HGFAC: variants seen among roughly 807,000 people sequenced by gnomAD.
HGFAC encodes the protein HGF activator, also known as hepatocyte growth factor activator serine protease.
In HGFAC, 76 loss-of-function variants were observed where a neutral mutation model predicts 70.6. The observed-to-expected ratio is 1.08, with a 90% CI of 0.89 to 1.30. HGFAC has a LOEUF of 1.30. HGFAC is among the 50% of genes most tolerant of loss of function. The pLI is 0.00. For synonymous variants in HGFAC, 464 were observed against 405.3 expected (o/e 1.14, Z -1.74); for missense variants, 1,044 against 933.7 (o/e 1.12, Z -1.54).
At chr4:3,447,785 C>T in intron 11 of HGFAC, 110 bp from the exon 12 acceptor site, 1 of 1,533,538 alleles carries the variant, frequency 6.5e-7, no homozygotes, top group Non-Finnish European at 8.9e-7. Flanking sequence ...TTCTGGATCT[C>T]CCAGGCTGCC....
At position 3,444,056 on chromosome 4, in the gene HGFAC, G is replaced by C. The variant is rs748919298; in HGVS notation, c.493G>C (p.Ala165Pro). The C allele has an allele frequency of 1.6e-5, 26 of 1,597,476 alleles. No homozygotes were observed. The Middle Eastern group carries it at 5.2e-4, about 32-fold the overall frequency. ...GTCCCCAGCTGCCCTGGATCCCTGT[G>C]CCTCCGGCCCCTGCCTCAATGGAGG... ...PGGPAALDPC[A>P]SGPCLNGGSC... is the part of the protein sequence containing the mutation. Residue 165 changes from alanine (A) to proline (P), a missense_variant, in exon 5 of 14, where the codon GCC (alanine) becomes CCC (proline). Coordinates refer to ENST00000382774, the MANE Select transcript of HGFAC (RefSeq NM_001528.4).
Position 3,444,820 on chromosome 4 carries a change from G to T in HGFAC, c.843G>T (p.Glu281Asp). ...PGFAGRLCNI[E>D]PDERCFLGNG... ...GCCTCACTGCCCCTCTGCCCGCAGA[G>T]CCTGATGAGCGCTGCTTCTTGGGGA... The change falls in exon 8 of 14, where the codon GAG becomes GAT. Residue 281 changes from glutamate to aspartate, a missense_variant and splice_region_variant. Coordinates refer to ENST00000382774, the MANE Select transcript of HGFAC (RefSeq NM_001528.4). The T allele has an allele frequency of 6.3e-7, 1 of 1,592,080 alleles. No individual in the cohort carries two copies. The highest frequency in any genetic ancestry group is 8.6e-7 in the Non-Finnish European group (1 of 1,168,210).
chr4:3,443,431 GGTTGGGTA>G lies in HGFAC; in HGVS notation c.475+13_475+20del, dbSNP rs1449506979. The G allele has an allele frequency of 2.1e-6, 3 of 1,443,462 alleles. No individual in the cohort carries two copies. Among genetic ancestry groups the G allele is most frequent in the Non-Finnish European group, 2.7e-6 (3 of 1,093,186 alleles). The allele number at this position is 1,443,462 out of a possible 1,614,324, so 89.4% of individuals were successfully genotyped here. ...CTCCAGGGGGCCCAGGTGGGTGCTG[GGTTGGGTA>G]GCCTGGGGCGGGCAGGGGGCACTGG... On this transcript the variant is annotated intron_variant, in intron 4 of 13. Coordinates refer to ENST00000382774, the MANE Select transcript of HGFAC (RefSeq NM_001528.4).
intron 10 of HGFAC, among the ~76,000 whole-genome samples, chr4:3,446,993 G>GT (rs1287989981): frequency 6.6e-6 from 1 of 152,316 alleles, no homozygotes; most frequent in Non-Finnish European, 1.5e-5. Context: ...GAGAAATGGG[G>GT]TTCCCCACAT....
chr4:3,443,349 C>T lies in HGFAC; in HGVS notation c.404C>T (p.Thr135Ile), dbSNP rs926429571. The change falls in exon 4 of 14, where the codon ACA (threonine) becomes ATA (isoleucine). Residue 135 changes from threonine to isoleucine, a missense_variant. Thr to Ile is a moderately conservative substitution (Grantham distance 89, BLOSUM62 -1). Transcript: ENST00000382774. ...EGSAHRKWCA[T>I]THNYDRDRAW... ...CAGGTGTCGCCCCCCAGGTGTGCCA[C>T]AACTCACAACTACGACCGGGACAGG... 52 of 1,541,776 alleles carry T rather than the reference C, an allele frequency of 3.4e-5. No homozygotes were observed. The highest frequency in any genetic ancestry group is 4.5e-5 in the Non-Finnish European group (51 of 1,142,800).
intron 6 of HGFAC, 37 bp from the exon 7 acceptor site, chr4:3,444,586 C>A: frequency 6.5e-7 from 1 of 1,545,912 alleles, no homozygotes; most frequent in South Asian, 1.2e-5. Flanking sequence ...TGGGGCACTG[C>A]GCGGCCCCTG....
chr4:3,446,521 G>T (rs1413117448), intron 10 of HGFAC, among the ~76,000 whole-genome samples: 1 of 152,272 alleles, frequency 6.6e-6, no homozygotes, highest in South Asian at 2.1e-4. Flanking sequence ...GGAGGCCAGG[G>T]GTCAGTGGCA....
chr4:3,445,630 G>C (rs79723959), intron 9 of HGFAC: 199 of 601,196 alleles, frequency 3.3e-4, no homozygotes, highest in African/African-American at 3.2e-3. Context: ...AAGCCTTTCA[G>C]GGAGGTGCAG....
chr4:3,442,104 C>G lies in HGFAC; in HGVS notation c.103C>G (p.Pro35Ala). 1 of 1,560,820 alleles carries G rather than the reference C, an allele frequency of 6.4e-7. No individual in the cohort carries two copies. The highest frequency in any genetic ancestry group is 8.6e-7 in the Non-Finnish European group (1 of 1,164,714). The change falls in exon 1 of 14, where the codon CCC becomes GCC. Residue 35 changes from proline (P) to alanine (A), a missense_variant. Transcript: ENST00000382774. ...LLLLLPRGFQ[P>A]QPGGNRTESP... ...GCTGCTGCTGCCACGGGGGTTCCAG[C>G]CCCAGCCTGGCGGGGTGAGCACTGA...
chr4:3,444,201 GGA>G, intron 5 of HGFAC, 40 bp downstream of exon 5: 2 of 1,570,088 alleles, frequency 1.3e-6, no homozygotes, highest in Non-Finnish European at 1.7e-6. Flanking sequence ...TCCAGGGGCC[GGA>G]GCAAGTCCCC....
At chr4:3,443,284 G>C in intron 3 of HGFAC, 57 bp from the exon 4 acceptor site, 2 of 1,431,918 alleles carry the variant, frequency 1.4e-6, no homozygotes. Flanking sequence ...CAGGGTGGTG[G>C]GGTGGGGTGG....
In HGFAC at chr4:3,444,969, G is replaced by A. The variant is rs746976598; in HGVS notation, c.992G>A (p.Gly331Asp). Residue 331 changes from glycine to aspartate, a missense_variant, in exon 8 of 14, where the codon GGC (glycine) becomes GAC (aspartate). Coordinates refer to ENST00000382774, the MANE Select transcript of HGFAC (RefSeq NM_001528.4). ...VDSVGAAALL[G>D]LGPHAYCRNP... ...TCCGTGGGCGCCGCGGCCCTGCTGG[G>A]CCTGGGCCCCCATGCCTACTGCCGG... The A allele has an allele frequency of 6.3e-7, 1 of 1,599,906 alleles. No homozygotes were observed. The highest frequency in any genetic ancestry group is 1.1e-5 in the South Asian group (1 of 89,266).
Position 3,444,728 on chromosome 4 carries a change from AC to A in HGFAC, c.837del (p.Asn279LysfsTer74), listed in dbSNP as rs758156656. 1.3e-6 allele frequency: 2 copies of A among 1,591,850 alleles called. No individual in the cohort carries two copies. The highest frequency in any genetic ancestry group is 1.7e-5 in the Admixed American group (1 of 58,960). On this transcript the variant is annotated frameshift_variant, in exon 7 of 14. Transcript: ENST00000382774. LOFTEE classifies it high-confidence loss of function. Reference sequence around the variant, plus strand: ...CCAGGCTTCGCTGGACGGCTCTGCAACATCGGTGAGTGGGTCAGCCCCCCGG... The same window carrying A: ...CCAGGCTTCGCTGGACGGCTCTGCAAATCGGTGAGTGGGTCAGCCCCCCGG... ...CPPGFAGRLC[N>X]IEPDERCFLG...
At position 3,446,165 on chromosome 4, in the gene HGFAC, T is replaced by C. The variant is rs1725503271; in HGVS notation, c.1226T>C (p.Ile409Thr). 6.2e-7 allele frequency: 1 copy of C among 1,611,200 alleles called. No individual in the cohort carries two copies. The highest frequency in any genetic ancestry group is 8.5e-7 in the Non-Finnish European group (1 of 1,179,314). ...AGGACGTTCCTGCGGCCACGTATCATCGGCGGCTCCTCCTCGCTGCCCGGC... is the reference window on the plus strand; with the variant it reads ...AGGACGTTCCTGCGGCCACGTATCACCGGCGGCTCCTCCTCGCTGCCCGGC... ...KKRTFLRPRI[I>T]GGSSSLPGSH... Residue 409 changes from isoleucine (I) to threonine (T), a missense_variant, in exon 10 of 14, where the codon ATC becomes ACC. Ile to Thr is a moderately conservative substitution (Grantham distance 89, BLOSUM62 -1). Coordinates refer to ENST00000382774, the MANE Select transcript of HGFAC (RefSeq NM_001528.4).
In HGFAC at chr4:3,449,349, G is replaced by C. The variant is rs374846787; in HGVS notation, c.1898G>C (p.Arg633Pro). 2 of 1,610,748 alleles carry C rather than the reference G, an allele frequency of 1.2e-6. No homozygotes were observed. Among genetic ancestry groups the C allele is most frequent in the Admixed American group, 1.7e-5 (1 of 59,772 alleles). Residue 633 changes from arginine to proline, a missense_variant, in exon 14 of 14, where the codon CGC (arginine) becomes CCC (proline). Transcript: ENST00000382774. ...GRLHKPGVYT[R>P]VANYVDWIND... is the part of the protein sequence containing the mutation. ...CTCCACAAGCCGGGGGTCTACACCC[G>C]CGTGGCCAACTATGTGGACTGGATC...
intron 13 of HGFAC, among the ~76,000 whole-genome samples, chr4:3,448,820 G>A (rs1250140496): frequency 6.6e-6 from 1 of 152,216 alleles, no homozygotes; most frequent in Non-Finnish European, 1.5e-5. Context: ...CAAAGCCCAG[G>A]AGTGGTAGAG....
Position 3,447,504 on chromosome 4 carries a change from C to T in HGFAC, c.1368C>T (p.Asp456=), listed in dbSNP as rs138680661. ...AHCFSHSPPR[D]SVSVVLGQHF... ...CCCCCTTGCACAGCCCCCCCAGGGA[C>T]AGCGTCTCCGTGGTGCTGGGCCAGC... is the stretch of plus-strand genomic sequence containing the variant. Residue 456 remains aspartate (D), a synonymous_variant, in exon 11 of 14, where the codon GAC becomes GAT. Coordinates refer to ENST00000382774, the MANE Select transcript of HGFAC (RefSeq NM_001528.4). The T allele has an allele frequency of 4.0e-4, 645 of 1,612,610 alleles. 1 individual carries two copies. In the African/African-American group the frequency reaches 8.1e-3, roughly 20 times the overall value.
Position 3,446,288 on chromosome 4 carries a change from C to CCCA in HGFAC, c.1351_1353dup (p.His451dup). On this transcript the variant is annotated inframe_insertion, in exon 10 of 14. Transcript: ENST00000382774. ...GTGGTGTCGGCCGCCCACTGCTTCT[C>CCCA]CCACAGGTGCACCTCCTCTGGGCCC... 1 of 1,605,552 alleles carries CCCA rather than the reference C, an allele frequency of 6.2e-7. No homozygotes were observed. Among genetic ancestry groups the CCCA allele is most frequent in the South Asian group, 1.1e-5 (1 of 90,548 alleles).
At chr4:3,447,023 C>T (rs1039288360) in intron 10 of HGFAC, among the ~76,000 whole-genome samples, 1 of 152,146 alleles carries the variant, frequency 6.6e-6, no homozygotes, top group Non-Finnish European at 1.5e-5. Flanking sequence ...GGCAGGAGGC[C>T]GAGGCAGGGT....
Sources: allele counts gnomAD v4.1 joint callset (sites outside exome capture counted in the v4.1 genomes callset), GRCh38; gene constraint gnomAD v4.1.1; transcripts MANE v1.5; gene names NCBI Gene and HGNC (gene_info 2026-07-23, HGNC 2026-07-21).